The following CDH10 variants were observed in gnomAD, a reference collection of about 807,000 sequenced individuals.
CDH10 encodes the protein cadherin-10.
CDH10 carries 30 observed loss-of-function variants against 73.1 expected under a neutral mutation model. That is an observed-to-expected ratio of 0.41 (90% CI 0.31 to 0.56). CDH10 has a LOEUF of 0.56. Among genes scored for constraint, CDH10 ranks in the 20% least tolerant of loss-of-function variants. CDH10 has a pLI of 0.27. For synonymous variants in CDH10, 345 were observed against 348.2 expected (o/e 0.99, Z 0.10); for missense variants, 815 against 973.7 (o/e 0.84, Z 2.17).
intron 5 of CDH10, among the ~76,000 whole-genome samples, chr5:24,527,148 T>C (rs952881920): frequency 6.6e-6 from 1 of 150,556 alleles, no homozygotes; most frequent in Non-Finnish European, 1.5e-5. Context: ...TGTGTACACA[T>C]TTATGTTTTG....
intron 2 of CDH10, among the ~76,000 whole-genome samples, chr5:24,575,523 GT>G (rs796760788): frequency 1.1e-4 from 16 of 152,034 alleles, no homozygotes; most frequent in African/African-American, 3.4e-4. Context: ...GCTTTAAAAT[GT>G]TTGGGTTTTT....
chr5:24,519,111 A>T (rs552467925), intron 5 of CDH10, among the ~76,000 whole-genome samples: 1 of 151,808 alleles, frequency 6.6e-6, no homozygotes, highest in Non-Finnish European at 1.5e-5. Context: ...GGCTGGTCTC[A>T]AATTCCTGGC....
intron 1 of CDH10, among the ~76,000 whole-genome samples, chr5:24,641,143 T>C (rs994121603): frequency 2.0e-5 from 3 of 151,966 alleles, no homozygotes; most frequent in South Asian, 4.1e-4. Context: ...ACTTATACGC[T>C]TTAGGTGCCC....
chr5:24,580,573 A>G (rs959333200), intron 2 of CDH10, among the ~76,000 whole-genome samples: 1 of 152,112 alleles, frequency 6.6e-6, no homozygotes, highest in African/African-American at 2.4e-5. Flanking sequence ...GTTAAAACTT[A>G]GTTAGTATAA....
At chr5:24,572,843 A>C (rs1025902990) in intron 2 of CDH10, among the ~76,000 whole-genome samples, 4 of 151,158 alleles carry the variant, frequency 2.6e-5, no homozygotes, top group African/African-American at 4.9e-5. Flanking sequence ...CCTGTGCCTC[A>C]CATATGATCT....
intron 5 of CDH10, among the ~76,000 whole-genome samples, chr5:24,533,029 T>C (rs558185758): frequency 1.3e-5 from 2 of 152,198 alleles, no homozygotes; most frequent in South Asian, 2.1e-4. Flanking sequence ...AAAGGTCAGA[T>C]AAGGTTGTAA....
intron 5 of CDH10, among the ~76,000 whole-genome samples, chr5:24,514,239 A>C (rs1418749092): frequency 1.3e-5 from 2 of 152,126 alleles, no homozygotes; most frequent in East Asian, 1.9e-4. Flanking sequence ...CATATTATCA[A>C]GCTTTACTCA....
intron 2 of CDH10, among the ~76,000 whole-genome samples, chr5:24,539,077 G>T (rs1409382747): frequency 6.6e-6 from 1 of 151,810 alleles, no homozygotes; most frequent in African/African-American, 2.4e-5. Flanking sequence ...CATCATTATA[G>T]ACATGTTTTA....
In CDH10 at chr5:24,586,843, CT is replaced by C. The variant is rs1001227038; in HGVS notation, c.231+6416del. 1.6e-3 allele frequency among the ~76,000 whole-genome samples: 160 copies of C among 102,750 alleles called. 1 individual carries two copies. Among genetic ancestry groups the C allele is most frequent in the African/African-American group, 3.1e-3 (74 of 23,782 alleles). The allele number at this position is 102,750 out of a possible 152,430, so 67.4% of individuals were successfully genotyped here. A position where few individuals can be genotyped will look rare whatever the true frequency, so the allele number is the denominator to read the frequency against. ...GTAAAACAATAAGATAGCCCATATTCTTTTTTTTTTTTTTTTTTTGAGCCGG... is the reference window on the plus strand; with the variant it reads ...GTAAAACAATAAGATAGCCCATATTCTTTTTTTTTTTTTTTTTTGAGCCGG... On this transcript the variant is annotated intron_variant, in intron 2 of 11. Coordinates refer to ENST00000264463, the MANE Select transcript of CDH10 (RefSeq NM_006727.5).
At chr5:24,601,908 C>A (rs528681953) in intron 1 of CDH10, among the ~76,000 whole-genome samples, 1 of 151,342 alleles carries the variant, frequency 6.6e-6, no homozygotes, top group Admixed American at 6.6e-5. Flanking sequence ...CCATTATCAT[C>A]CCCTGCTACT....
chr5:24,491,493 G>A (rs1306507227), intron 11 of CDH10, 83 bp downstream of exon 11: 4 of 1,241,528 alleles, frequency 3.2e-6, no homozygotes, highest in African/African-American at 1.5e-5. Flanking sequence ...GTGGTTTTGG[G>A]GGAGGGATTT....
At chr5:24,575,138 G>A (rs568416878) in intron 2 of CDH10, among the ~76,000 whole-genome samples, 1 of 151,880 alleles carries the variant, frequency 6.6e-6, no homozygotes, top group Non-Finnish European at 1.5e-5. Flanking sequence ...GAGGCAGGCA[G>A]ATCACCTGAG....
chr5:24,539,186 A>T (rs1425738001), intron 2 of CDH10, among the ~76,000 whole-genome samples: 1 of 152,030 alleles, frequency 6.6e-6, no homozygotes, highest in Non-Finnish European at 1.5e-5. Context: ...CTTCAATTAT[A>T]TGAAAAAATA....
At chr5:24,595,421 C>T (rs1030025793) in intron 1 of CDH10, among the ~76,000 whole-genome samples, 15 of 151,812 alleles carry the variant, frequency 9.9e-5, no homozygotes, top group Admixed American at 7.9e-4. Flanking sequence ...ACAGTGGAGT[C>T]GTCCACAATG....
chr5:24,621,144 G>A (rs1747303514), intron 1 of CDH10, among the ~76,000 whole-genome samples: 1 of 152,146 alleles, frequency 6.6e-6, no homozygotes, highest in Non-Finnish European at 1.5e-5. Context: ...AGAGCCCTTA[G>A]TGTGCCTCTA....
intron 11 of CDH10, among the ~76,000 whole-genome samples, chr5:24,489,345 T>A (rs1165891362): frequency 6.6e-6 from 1 of 152,154 alleles, no homozygotes; most frequent in Non-Finnish European, 1.5e-5. Context: ...TAAACTTTTT[T>A]AATGTCATGA....
chr5:24,581,310 C>T (rs188100866), intron 2 of CDH10, among the ~76,000 whole-genome samples: 19 of 152,242 alleles, frequency 1.2e-4, no homozygotes, highest in Non-Finnish European at 2.5e-4. Flanking sequence ...AAACAGTAAC[C>T]CCTTGATAAC....
At chr5:24,628,830 C>G (rs965871918) in intron 1 of CDH10, among the ~76,000 whole-genome samples, 1 of 142,688 alleles carries the variant, frequency 7.0e-6, no homozygotes, top group African/African-American at 2.6e-5. Flanking sequence ...CCCCCCCCAC[C>G]CCGCTCCCCA....
chr5:24,500,201 C>A (rs759908585), intron 8 of CDH10, among the ~76,000 whole-genome samples: 1 of 151,934 alleles, frequency 6.6e-6, no homozygotes, highest in African/African-American at 2.4e-5. Context: ...AATTTATATC[C>A]CCTTGTTCTC....
Sources: gnomAD v4.1 joint callset for allele counts (sites outside exome capture counted in the v4.1 genomes callset) on GRCh38, gnomAD v4.1.1 for gene constraint, MANE v1.5 for transcripts, NCBI Gene and HGNC (gene_info 2026-07-23, HGNC 2026-07-21) for gene names.